Variants in STIMATE observed in about 807,000 individuals in gnomAD.
STIMATE encodes store-operated calcium entry regulator STIMATE.
Under a neutral mutation model 36.7 loss-of-function variants are expected in STIMATE, and 15 were observed. The ratio of observed to expected loss-of-function variants is 0.41; its 90% CI spans 0.27 to 0.63. The LOEUF (loss-of-function observed/expected upper bound fraction) is 0.63. Among genes scored for constraint, STIMATE ranks in the 20% least tolerant of loss-of-function variants. The pLI is 0.32. For missense variants in STIMATE, 305 were observed against 397.3 expected, an observed-to-expected ratio of 0.77 and a Z score of 1.98; for synonymous variants, 163 against 162.3, an observed-to-expected ratio of 1.00 and a Z score of -0.03.
chr3:52,881,911 A>G (rs1207826373), intron 1 of STIMATE, among the ~76,000 whole-genome samples: 1 of 152,246 alleles, frequency 6.6e-6, no homozygotes, highest in Non-Finnish European at 1.5e-5. Flanking sequence ...ACTCTTAGAG[A>G]ACAGGAATCA....
chr3:52,846,621 G>A (rs1207511493), intron 4 of STIMATE: 2 of 152,208 alleles, frequency 1.3e-5, no homozygotes, highest in Non-Finnish European at 2.9e-5. Context: ...CATTGCCCCA[G>A]TGTTCTAGGT....
intron 4 of STIMATE, 130 bp from the exon 5 acceptor site, chr3:52,845,071 C>G (rs1559489002): frequency 2.6e-6 from 2 of 768,374 alleles, no homozygotes; most frequent in Non-Finnish European, 3.9e-6. Context: ...AATGAGCCCC[C>G]CCAAAAGTCC....
At chr3:52,878,355 G>A (rs1169368487) in intron 1 of STIMATE, among the ~76,000 whole-genome samples, 1 of 151,924 alleles carries the variant, frequency 6.6e-6, no homozygotes, top group Non-Finnish European at 1.5e-5. Flanking sequence ...AAGTCTGATG[G>A]TCCTGGCTGT....
At chr3:52,844,044 G>A (rs984367656) in intron 5 of STIMATE, among the ~76,000 whole-genome samples, 1 of 152,214 alleles carries the variant, frequency 6.6e-6, no homozygotes, top group Non-Finnish European at 1.5e-5. Context: ...AAAGTGCAGT[G>A]GGCTTACAGC....
intron 1 of STIMATE, among the ~76,000 whole-genome samples, chr3:52,858,418 T>C (rs576137272): frequency 1.2e-4 from 18 of 149,706 alleles, no homozygotes; most frequent in Admixed American, 2.0e-4. Flanking sequence ...AGCCCAGGAG[T>C]TTGAGACCAG....
Position 52,849,859 on chromosome 3 carries a change from C to G in STIMATE, c.360G>C (p.Val120=). ...CCAGGACGCTGACGGCGCGCACCCCCACGTAGATGAGCAGCATGCCCACAG... is the reference window on the plus strand; with the variant it reads ...CCAGGACGCTGACGGCGCGCACCCCGACGTAGATGAGCAGCATGCCCACAG... ...DATVGMLLIY[V]GVRAVSVLVE... The change falls in exon 4 of 8, where the codon GTG becomes GTC. Residue 120 remains valine (V), a synonymous_variant. Transcript: ENST00000355083. The G allele has an allele frequency of 6.2e-7, 1 of 1,613,824 alleles. No individual in the cohort carries two copies. Among genetic ancestry groups the G allele is most frequent in the Non-Finnish European group, 8.5e-7 (1 of 1,179,996 alleles).
intron 1 of STIMATE, among the ~76,000 whole-genome samples, chr3:52,856,513 T>C (rs1343090626): frequency 6.6e-6 from 1 of 151,772 alleles, no homozygotes; most frequent in Non-Finnish European, 1.5e-5. Flanking sequence ...AGACCACGTC[T>C]CTACAAAATA....
At chr3:52,882,555 G>A (rs916348713) in intron 1 of STIMATE, among the ~76,000 whole-genome samples, 10 of 152,134 alleles carry the variant, frequency 6.6e-5, no homozygotes, top group Non-Finnish European at 1.0e-4. Context: ...TGGCTGACAC[G>A]CTCATGCTCT....
intron 1 of STIMATE, among the ~76,000 whole-genome samples, chr3:52,894,591 TG>T (rs1701833770): frequency 6.6e-6 from 1 of 151,998 alleles, no homozygotes; most frequent in Non-Finnish European, 1.5e-5. Context: ...AACGTGTAAG[TG>T]GAGAAAAAAG....
intron 1 of STIMATE, among the ~76,000 whole-genome samples, chr3:52,859,969 G>C (rs925653643): frequency 4.6e-5 from 7 of 151,418 alleles, no homozygotes; most frequent in African/African-American, 1.7e-4. Context: ...AAATTCTTCT[G>C]AATCAGAGCA....
chr3:52,847,421 A>G (rs773363165), intron 4 of STIMATE: 8 of 1,283,270 alleles, frequency 6.2e-6, no homozygotes, highest in Non-Finnish European at 8.1e-6. Context: ...GGGCTTCCAC[A>G]TGGGAAAGAG....
At chr3:52,865,189 C>A (rs184717894) in intron 1 of STIMATE, among the ~76,000 whole-genome samples, 3,372 of 152,294 alleles carry the variant, frequency 0.022, 126 homozygotes, top group African/African-American at 0.077. Context: ...TTGTGATCCA[C>A]CCGCCTTGGC....
At chr3:52,852,548 C>T in intron 3 of STIMATE, 55 bp downstream of exon 3, 3 of 1,607,190 alleles carry the variant, frequency 1.9e-6, no homozygotes, top group Non-Finnish European at 2.6e-6. Flanking sequence ...CAAGGCCAGC[C>T]TATATTTTCA....
chr3:52,895,973 T>C (rs1351752241), intron 1 of STIMATE: 1 of 1,288,386 alleles, frequency 7.8e-7, no homozygotes, highest in Non-Finnish European at 1.0e-6. Context: ...AACAAGTGGG[T>C]ATTTGTTTAG....
chr3:52,887,998 T>TG (rs1553631432), intron 1 of STIMATE, among the ~76,000 whole-genome samples: 2 of 119,230 alleles, frequency 1.7e-5, no homozygotes, highest in East Asian at 2.3e-4. Context: ...GAATCAGTTT[T>TG]TTTTTTTTTT....
chr3:52,874,468 G>A (rs1318941880), intron 1 of STIMATE, among the ~76,000 whole-genome samples: 2 of 152,224 alleles, frequency 1.3e-5, no homozygotes, highest in Admixed American at 6.5e-5. Flanking sequence ...TAGCTCTCTA[G>A]AGGATGGACT....
chr3:52,884,328 C>G (rs1269772115), intron 1 of STIMATE, among the ~76,000 whole-genome samples: 2 of 151,574 alleles, frequency 1.3e-5, no homozygotes, highest in Non-Finnish European at 2.9e-5. Flanking sequence ...TCACTGCAAC[C>G]TCCGCTTCCC....
chr3:52,843,157 T>C (rs1700832437), intron 6 of STIMATE, 197 bp from the exon 7 acceptor site: 2 of 1,074,998 alleles, frequency 1.9e-6, no homozygotes, highest in Non-Finnish European at 2.6e-6. Flanking sequence ...TTCAGTTTTC[T>C]GATCAGAGTG....
In STIMATE at chr3:52,897,464, G is replaced by T. The variant is rs1701885867; in HGVS notation, c.-14C>A. Reference sequence around the variant, plus strand: ...GGGGCCCTGCATGACAGGCCTCGCGGGAGGGGCGCGAGGGCCCAGGGCCCG... The same window carrying T: ...GGGGCCCTGCATGACAGGCCTCGCGTGAGGGGCGCGAGGGCCCAGGGCCCG... On this transcript the variant is annotated 5_prime_UTR_variant, in exon 1 of 8. Coordinates refer to ENST00000355083, the MANE Select transcript of STIMATE (RefSeq NM_198563.5). 3.1e-6 allele frequency: 4 copies of T among 1,298,174 alleles called. No individual in the cohort carries two copies. The allele number at this position is 1,298,174 out of a possible 1,614,324, so 80.4% of individuals were successfully genotyped here. A position where few individuals can be genotyped will look rare whatever the true frequency, so the allele number is the denominator to read the frequency against.
Sources: gnomAD v4.1 joint callset for allele counts (sites outside exome capture counted in the v4.1 genomes callset) on GRCh38, gnomAD v4.1.1 for gene constraint, MANE v1.5 for transcripts, NCBI Gene and HGNC (gene_info 2026-07-23, HGNC 2026-07-21) for gene names.